The following KAZN variants were observed in gnomAD, a reference collection of about 807,000 sequenced individuals.
The protein encoded by KAZN is kazrin, periplakin interacting protein, also known as kazrin.
KAZN carries 40 observed loss-of-function variants against 87.4 expected under a neutral mutation model. The ratio of observed to expected loss-of-function variants is 0.46; its 90% CI spans 0.36 to 0.60. The LOEUF is 0.60. KAZN is among the 20% of genes least tolerant of loss of function. The probability of loss-of-function intolerance (pLI) is 0.00; values close to 1 mark genes in which losing one functional copy is unlikely to be tolerated. For missense variants in KAZN, 898 were observed against 1,073.9 expected (o/e 0.84, Z 2.29); for synonymous variants, 466 against 458.3 (o/e 1.02, Z -0.22).
chr1:14,624,499 G>A (rs1202809272), intron 1 of KAZN, among the ~76,000 whole-genome samples: 4 of 151,524 alleles, frequency 2.6e-5, no homozygotes, highest in Non-Finnish European at 4.4e-5. Context: ...CTCAGCTTTC[G>A]TTTACTGTAT....
chr1:14,007,726 G>T (rs1457593038), intron 1 of KAZN, among the ~76,000 whole-genome samples: 1 of 152,206 alleles, frequency 6.6e-6, no homozygotes, highest in Non-Finnish European at 1.5e-5. Flanking sequence ...TCACTTGGGT[G>T]TGAGTGCAAA....
At chr1:15,022,185 G>C (rs972643119) in intron 2 of KAZN, among the ~76,000 whole-genome samples, 1 of 152,026 alleles carries the variant, frequency 6.6e-6, no homozygotes, top group Non-Finnish European at 1.5e-5. Context: ...GACGGGCCAT[G>C]CACCCCCCTC....
chr1:15,079,858 T>C (rs1202990113), intron 8 of KAZN, among the ~76,000 whole-genome samples: 1 of 152,218 alleles, frequency 6.6e-6, no homozygotes, highest in Admixed American at 6.5e-5. Context: ...GCTGCAGCAG[T>C]GGAACAGGTT....
chr1:15,016,625 T>C (rs1670135657), intron 2 of KAZN, among the ~76,000 whole-genome samples: 1 of 152,116 alleles, frequency 6.6e-6, no homozygotes, highest in Non-Finnish European at 1.5e-5. Flanking sequence ...ATTGTGGCAA[T>C]GTGTTACGGA....
chr1:14,579,696 A>AT (rs1483896361), intron 2 of KAZN, among the ~76,000 whole-genome samples: 1 of 152,040 alleles, frequency 6.6e-6, no homozygotes, highest in Non-Finnish European at 1.5e-5. Context: ...TGAAAAAAAA[A>AT]TTTTTTTAGC....
intron 1 of KAZN, among the ~76,000 whole-genome samples, chr1:14,747,868 C>A (rs546564007): frequency 8.9e-4 from 136 of 152,194 alleles, no homozygotes; most frequent in Non-Finnish European, 1.6e-3. Flanking sequence ...CCGCCAACAC[C>A]GGTTGCCACC....
intron 2 of KAZN, among the ~76,000 whole-genome samples, chr1:14,532,019 G>A (rs764128916): frequency 7.9e-5 from 12 of 152,096 alleles, no homozygotes; most frequent in Non-Finnish European, 1.0e-4. Flanking sequence ...CTGGTTTCAC[G>A]TGCTCTTTTT....
At chr1:14,925,656 A>G (rs35179055) in intron 1 of KAZN, among the ~76,000 whole-genome samples, 26,510 of 152,136 alleles carry the variant, frequency 0.17, 2,956 homozygotes, top group Middle Eastern at 0.37. Flanking sequence ...CCAGGCAGCA[A>G]GCTCACTAGC....
At chr1:14,796,443 A>C (rs1396535931) in intron 1 of KAZN, among the ~76,000 whole-genome samples, 1 of 152,198 alleles carries the variant, frequency 6.6e-6, no homozygotes, top group African/African-American at 2.4e-5. Flanking sequence ...CCATGGCTCC[A>C]CAGACCTTGT....
intron 1 of KAZN, among the ~76,000 whole-genome samples, chr1:14,154,321 G>A (rs1185057029): frequency 6.6e-6 from 1 of 152,128 alleles, no homozygotes; most frequent in African/African-American, 2.4e-5. Context: ...ATACAGAAAT[G>A]CTACTGATTT....
At position 15,044,184 on chromosome 1, in the gene KAZN, G is replaced by C. The variant is rs1407772323; in HGVS notation, c.726+25G>C. 4 of 1,569,466 alleles carry C rather than the reference G, an allele frequency of 2.5e-6. No homozygotes were observed. The Admixed American group carries it at 5.3e-5, about 21-fold the overall frequency. On this transcript the variant is annotated intron_variant, in intron 4 of 14. Transcript: ENST00000376030. Reference sequence around the variant, plus strand: ...GGTGAGAACCCTCCCCACCCAGGTGGGCCTGGCATCTGCTAGCAGTGCCGT... The same window carrying C: ...GGTGAGAACCCTCCCCACCCAGGTGCGCCTGGCATCTGCTAGCAGTGCCGT...
In KAZN at chr1:15,115,967, G is replaced by C. The variant is rs1426172553; in HGVS notation, c.*1332G>C. 2 of 152,180 alleles carry C rather than the reference G, an allele frequency of 1.3e-5. No individual in the cohort carries two copies. The highest frequency in any genetic ancestry group is 6.5e-5 in the Admixed American group (1 of 15,278). 9.4% of individuals were successfully genotyped at this position (152,180 alleles called of 1,614,324 possible). ...GAAGCAGTGTGCAAAAGGAAGAAAA[G>C]AAATGTTTAATGTTCAGACCTGCCA... On this transcript the variant is annotated 3_prime_UTR_variant, in exon 15 of 15. Transcript: ENST00000376030. This position sits in a 1 kb window ranked among gnomAD's most constrained non-coding sequence, Gnocchi z 4.1.
At chr1:14,542,682 A>C (rs1672886130) in intron 2 of KAZN, among the ~76,000 whole-genome samples, 1 of 152,122 alleles carries the variant, frequency 6.6e-6, no homozygotes, top group African/African-American at 2.4e-5. Context: ...TCGGATAGGT[A>C]GCTTTCACCC....
intron 4 of KAZN, among the ~76,000 whole-genome samples, chr1:15,044,413 C>T (rs866153713): frequency 3.9e-4 from 60 of 152,080 alleles, no homozygotes; most frequent in Middle Eastern, 3.2e-3. Context: ...AGTGTGGAGA[C>T]GCTGGGAAAC....
chr1:14,558,361 C>A (rs1016353692), intron 2 of KAZN, among the ~76,000 whole-genome samples: 1 of 152,292 alleles, frequency 6.6e-6, no homozygotes, highest in Admixed American at 6.5e-5. Flanking sequence ...GAGCATGCAA[C>A]CTCCCAAGAA....
At chr1:14,778,441 AG>A (rs1419225596) in intron 1 of KAZN, among the ~76,000 whole-genome samples, 1 of 151,212 alleles carries the variant, frequency 6.6e-6, no homozygotes, top group Non-Finnish European at 1.5e-5. Context: ...TTAGAGAGGA[AG>A]GGGACATCAT....
chr1:14,864,243 T>C (rs1001364846), intron 1 of KAZN, among the ~76,000 whole-genome samples: 1 of 152,224 alleles, frequency 6.6e-6, no homozygotes, highest in Non-Finnish European at 1.5e-5. Flanking sequence ...AAGCTGGAAC[T>C]ACAATGTCAA....
At chr1:15,073,178 A>G (rs1639590728) in intron 8 of KAZN, among the ~76,000 whole-genome samples, 1 of 152,174 alleles carries the variant, frequency 6.6e-6, no homozygotes, top group Non-Finnish European at 1.5e-5. Context: ...AGTGAGAAGG[A>G]AAGAGGAAGA....
At chr1:14,718,388 C>G (rs1296942630) in intron 1 of KAZN, among the ~76,000 whole-genome samples, 1 of 152,202 alleles carries the variant, frequency 6.6e-6, no homozygotes, top group Non-Finnish European at 1.5e-5. Flanking sequence ...GAGTACAGAC[C>G]AGATTTCCCC....
Sources: allele counts gnomAD v4.1 joint callset (sites outside exome capture counted in the v4.1 genomes callset), GRCh38; gene constraint gnomAD v4.1.1; non-coding constraint Gnocchi (gnomAD v3.1); transcripts MANE v1.5; gene names NCBI Gene and HGNC (gene_info 2026-07-23, HGNC 2026-07-21).